Variants in UTRN observed in about 807,000 individuals in gnomAD.
The protein encoded by UTRN is dystrophin-related protein 1.
In UTRN, 283 loss-of-function variants were observed where a neutral mutation model predicts 463.9. The ratio of observed to expected loss-of-function variants is 0.61; its 90% CI spans 0.55 to 0.67. The LOEUF (loss-of-function observed/expected upper bound fraction) is 0.67, where lower values mean the gene tolerates loss of function less well. Ranked by LOEUF, UTRN falls within the 30% of genes least tolerant of loss-of-function variation. The pLI is 0.00. For missense variants in UTRN, 3,922 were observed against 4,084.3 expected (o/e 0.96, Z 1.08); for synonymous variants, 1,442 against 1,431.5 (o/e 1.01, Z -0.17).
chr6:144,827,663 C>G lies in UTRN; in HGVS notation c.9586C>G (p.Gln3196Glu). 1 of 1,613,602 alleles carries G rather than the reference C, an allele frequency of 6.2e-7. No individual in the cohort carries two copies. The highest frequency in any genetic ancestry group is 8.5e-7 in the Non-Finnish European group (1 of 1,179,708). Residue 3196 changes from glutamine to glutamate, a missense_variant, in exon 68 of 75, where the codon CAA becomes GAA. Physicochemically the swap from Gln to Glu is conservative, Grantham distance 29. Around this residue, in one of 3 missense-constraint regions of UTRN, gnomAD observed 1,309 missense variants for 1,452.6 expected, o/e 0.90. Transcript: ENST00000367545. ...TGATGACACCCATTCAAGAATAGAACAATATGCCACACGGTAAGAAACTTT... is the reference window on the plus strand; with the variant it reads ...TGATGACACCCATTCAAGAATAGAAGAATATGCCACACGGTAAGAAACTTT... Reference protein sequence around the residue: ...FHDDTHSRIEQYATRLAQMER... With the variant: ...FHDDTHSRIEEYATRLAQMER...
At chr6:144,322,338 C>A (rs1158444347) in intron 2 of UTRN, among the ~76,000 whole-genome samples, 2 of 129,226 alleles carry the variant, frequency 1.5e-5, no homozygotes, top group African/African-American at 9.8e-5. Context: ...GTGTCCTGCA[C>A]TGGTGAGCAC....
At chr6:144,614,612 G>A (rs961576932) in intron 51 of UTRN, among the ~76,000 whole-genome samples, 2 of 152,162 alleles carry the variant, frequency 1.3e-5, no homozygotes, top group Non-Finnish European at 2.9e-5. Context: ...AACAAAAGGA[G>A]CTAGATATTC....
Position 144,459,344 on chromosome 6 carries a change from T to C in UTRN, c.2697T>C (p.His899=). ...VQEAVEDRQQ[H]LENELKGQPG... ...AGGCTGTAGAGGATCGTCAACAACA[T>C]CTAGAGAATGGTAAACCCAACAATT... The change falls in exon 21 of 75, where the codon CAT becomes CAC. Residue 899 remains histidine (H), a synonymous_variant. Coordinates refer to ENST00000367545, the MANE Select transcript of UTRN (RefSeq NM_007124.3). 2 of 1,594,378 alleles carry C rather than the reference T, an allele frequency of 1.3e-6. No individual in the cohort carries two copies. Among genetic ancestry groups the C allele is most frequent in the South Asian group, 1.1e-5 (1 of 88,222 alleles).
intron 66 of UTRN, 150 bp downstream of exon 66, chr6:144,821,168 T>C: frequency 9.5e-7 from 1 of 1,049,346 alleles, no homozygotes; most frequent in Non-Finnish European, 1.3e-6. Context: ...AACATGAATT[T>C]TTACAATTCA....
intron 2 of UTRN, among the ~76,000 whole-genome samples, chr6:144,395,382 T>A (rs1302746872): frequency 6.6e-6 from 1 of 151,824 alleles, no homozygotes; most frequent in African/African-American, 2.4e-5. Flanking sequence ...TATAATATGG[T>A]TGATAGAAAA....
intron 2 of UTRN, among the ~76,000 whole-genome samples, chr6:144,381,564 A>G (rs1217493346): frequency 6.6e-6 from 1 of 152,180 alleles, no homozygotes; most frequent in Non-Finnish European, 1.5e-5. Flanking sequence ...ATTCCCAGGT[A>G]TTATGGGAGG....
intron 51 of UTRN, among the ~76,000 whole-genome samples, chr6:144,629,215 A>C (rs1280312589): frequency 2.0e-5 from 3 of 152,020 alleles, no homozygotes; most frequent in Non-Finnish European, 2.9e-5. Context: ...TATTTTTCAG[A>C]AGGTGCTACA....
intron 2 of UTRN, among the ~76,000 whole-genome samples, chr6:144,358,168 A>G (rs370029621): frequency 6.6e-6 from 1 of 152,268 alleles, no homozygotes. Context: ...CGTTCAGTAA[A>G]TGTTGCTCAT....
chr6:144,636,010 G>C (rs1467427296), intron 51 of UTRN, among the ~76,000 whole-genome samples: 1 of 152,006 alleles, frequency 6.6e-6, no homozygotes, highest in African/African-American at 2.4e-5. Flanking sequence ...TAATTTATAT[G>C]TATGAATTTT....
chr6:144,708,585 C>G (rs1160788415), intron 53 of UTRN: 1 of 260,540 alleles, frequency 3.8e-6, no homozygotes, highest in East Asian at 8.9e-5. Flanking sequence ...TCTGCTTATC[C>G]TTAAACTTAG....
intron 51 of UTRN, among the ~76,000 whole-genome samples, chr6:144,648,914 G>A (rs1159251825): frequency 6.6e-6 from 1 of 152,084 alleles, no homozygotes; most frequent in East Asian, 1.9e-4. Flanking sequence ...GTCATTTGAG[G>A]AACAAATAAA....
At position 144,448,684 on chromosome 6, in the gene UTRN, A is replaced by G. The variant is rs201423123; in HGVS notation, c.1987A>G (p.Ile663Val). The part of the protein sequence containing the change: ...LETVRVREQA[I>V]TKKSKQELPP... Reference sequence around the variant, plus strand: ...GACTGTTCGTGTAAGAGAACAAGCAATTACAAAAAAATCTAAGCAGGAACT... The same window carrying G: ...GACTGTTCGTGTAAGAGAACAAGCAGTTACAAAAAAATCTAAGCAGGAACT... The change falls in exon 17 of 75, where the codon ATT (isoleucine) becomes GTT (valine). Residue 663 changes from isoleucine (I) to valine (V), a missense_variant. Around this residue, in one of 3 missense-constraint regions of UTRN, gnomAD observed 2,349 missense variants for 2,303.8 expected, o/e 1.02. Coordinates refer to ENST00000367545, the MANE Select transcript of UTRN (RefSeq NM_007124.3). 1.2e-4 allele frequency: 195 copies of G among 1,613,950 alleles called. 1 individual carries two copies. The highest frequency in any genetic ancestry group is 3.1e-5 in the Non-Finnish European group (36 of 1,179,972).
intron 51 of UTRN, among the ~76,000 whole-genome samples, chr6:144,589,104 T>C (rs1802756188): frequency 6.6e-6 from 1 of 152,212 alleles, no homozygotes; most frequent in African/African-American, 2.4e-5. Context: ...TATGTGAAAG[T>C]ATGGCTTCAT....
chr6:144,288,827 G>A (rs1282405791), intron 1 of UTRN, among the ~76,000 whole-genome samples: 1 of 149,678 alleles, frequency 6.7e-6, no homozygotes, highest in Admixed American at 6.7e-5. Flanking sequence ...CAGTGGCAGC[G>A]ATCTTGGCCC....
intron 2 of UTRN, among the ~76,000 whole-genome samples, chr6:144,391,804 T>G (rs758750219): frequency 1.2e-4 from 18 of 152,162 alleles, no homozygotes; most frequent in Non-Finnish European, 2.4e-4. Flanking sequence ...ACCACACCCA[T>G]CTAATTTTTG....
intron 3 of UTRN, among the ~76,000 whole-genome samples, chr6:144,421,192 A>G (rs868257971): frequency 2.0e-5 from 3 of 152,040 alleles, no homozygotes; most frequent in Non-Finnish European, 4.4e-5. Context: ...TTTTTACTAG[A>G]GATGAGGTTT....
chr6:144,455,210 T>TAA (rs1315002558), intron 19 of UTRN, among the ~76,000 whole-genome samples: 1 of 152,186 alleles, frequency 6.6e-6, no homozygotes, highest in African/African-American at 2.4e-5. Flanking sequence ...TATCAATCCA[T>TAA]TTATTATTAA....
At position 144,285,345 on chromosome 6, in the gene UTRN, G is replaced by T. The variant is rs910889815; in HGVS notation, c.-569G>T. ...CAAAGTTGTGGAGTCGTTTTTCCTC[G>T]GAGCAGGGAAGCGGGCAGCAGCAGC... On this transcript the variant is annotated 5_prime_UTR_variant, in exon 1 of 75. Coordinates refer to ENST00000367545, the MANE Select transcript of UTRN (RefSeq NM_007124.3). Among the ~76,000 whole-genome samples the T allele has an allele frequency of 6.6e-6, 1 of 152,198 alleles. No homozygotes were observed. The highest frequency in any genetic ancestry group is 1.5e-5 in the Non-Finnish European group (1 of 68,030).
At chr6:144,753,092 G>A (rs1388135601) in intron 56 of UTRN, among the ~76,000 whole-genome samples, 1 of 152,172 alleles carries the variant, frequency 6.6e-6, no homozygotes, top group African/African-American at 2.4e-5. Flanking sequence ...AGCTAGCCAG[G>A]AGGAACTAGT....
Sources: gnomAD v4.1 joint callset for allele counts (sites outside exome capture counted in the v4.1 genomes callset) on GRCh38, gnomAD v4.1.1 for gene constraint, gnomAD v4.1.1 regional missense constraint, MANE v1.5 for transcripts, NCBI Gene and HGNC (gene_info 2026-07-23, HGNC 2026-07-21) for gene names.